Variants in SPHKAP observed in about 807,000 individuals in gnomAD.
SPHKAP encodes the protein SPHK1 interactor, AKAP domain containing.
A neutral mutation model predicts 137.5 loss-of-function variants in SPHKAP; 67 were observed. The ratio of observed to expected loss-of-function variants is 0.49; its 90% CI spans 0.40 to 0.60. The LOEUF is 0.60. Ranked by LOEUF, SPHKAP falls within the 20% of genes least tolerant of loss-of-function variation. The pLI is 0.00. For synonymous variants in SPHKAP, 813 were observed against 785.3 expected, an observed-to-expected ratio of 1.04 and a Z score of -0.59; for missense variants, 2,097 against 2,069.3, an observed-to-expected ratio of 1.01 and a Z score of -0.26.
chr2:228,128,207 T>G (rs570999769), intron 2 of SPHKAP, among the ~76,000 whole-genome samples: 20 of 152,312 alleles, frequency 1.3e-4, no homozygotes, highest in Middle Eastern at 3.4e-3. Flanking sequence ...AAATTGGAGT[T>G]AACCCTCTCA....
intron 3 of SPHKAP, among the ~76,000 whole-genome samples, chr2:228,038,264 C>T (rs920736658): frequency 6.6e-6 from 1 of 152,102 alleles, no homozygotes; most frequent in Non-Finnish European, 1.5e-5. Context: ...GAATGGTATC[C>T]AGGAGAAGGC....
intron 7 of SPHKAP, among the ~76,000 whole-genome samples, chr2:228,004,304 T>C (rs1694038318): frequency 6.6e-6 from 1 of 152,134 alleles, no homozygotes; most frequent in Non-Finnish European, 1.5e-5. Context: ...GTGTATGTGT[T>C]GAGGAATTTA....
chr2:228,179,697 A>G (rs141368855), intron 1 of SPHKAP, among the ~76,000 whole-genome samples: 1 of 152,226 alleles, frequency 6.6e-6, no homozygotes, highest in African/African-American at 2.4e-5. Context: ...TAACATTTTG[A>G]TAGGCCACTA....
chr2:228,010,548 A>G (rs913180898), intron 7 of SPHKAP, among the ~76,000 whole-genome samples: 1 of 152,080 alleles, frequency 6.6e-6, no homozygotes, highest in African/African-American at 2.4e-5. Context: ...AAAAGAAAAC[A>G]ATTGTTCACG....
chr2:228,139,806 C>T (rs980211972), intron 1 of SPHKAP, among the ~76,000 whole-genome samples: 7 of 151,994 alleles, frequency 4.6e-5, no homozygotes, highest in African/African-American at 1.7e-4. Flanking sequence ...CACATTCCTG[C>T]TGCTAAGTTA....
intron 1 of SPHKAP, among the ~76,000 whole-genome samples, chr2:228,132,948 G>C (rs532425442): frequency 1.4e-4 from 21 of 152,008 alleles, no homozygotes; most frequent in Non-Finnish European, 2.9e-4. Flanking sequence ...AGGTTGCAGT[G>C]AGCTGAGATC....
In SPHKAP at chr2:228,018,452, C is replaced by T. The variant is rs775656617; in HGVS notation, c.2402G>A (p.Arg801Lys). ...MYSKQDKGGVRPGLFKNPTLQ... is the reference protein window; with the variant it reads ...MYSKQDKGGVKPGLFKNPTLQ... ...CGTGGGGTTCTTGAAGAGGCCTGGC[C>T]TCACTCCACCCTTGTCTTGTTTTGA... Residue 801 changes from arginine to lysine, a missense_variant, in exon 7 of 12, where the codon AGG (arginine) becomes AAG (lysine). By Grantham distance (26) the Arg-to-Lys change is conservative. Transcript: ENST00000392056. The T allele has an allele frequency of 6.2e-7, 1 of 1,613,932 alleles. No homozygotes were observed. Among genetic ancestry groups the T allele is most frequent in the Non-Finnish European group, 8.5e-7 (1 of 1,179,958 alleles).
chr2:228,008,791 C>G (rs754603172), intron 7 of SPHKAP, among the ~76,000 whole-genome samples: 5 of 151,668 alleles, frequency 3.3e-5, no homozygotes, highest in Non-Finnish European at 7.4e-5. Flanking sequence ...GATCCATTGA[C>G]TCTATTTGTG....
intron 7 of SPHKAP, among the ~76,000 whole-genome samples, chr2:228,002,801 C>T (rs1319288439): frequency 6.6e-6 from 1 of 152,150 alleles, no homozygotes; most frequent in African/African-American, 2.4e-5. Context: ...GCCAGTTTTC[C>T]CAGCACCATT....
chr2:228,107,915 G>T (rs1298975016), intron 3 of SPHKAP, among the ~76,000 whole-genome samples: 1 of 152,138 alleles, frequency 6.6e-6, no homozygotes, highest in Non-Finnish European at 1.5e-5. Flanking sequence ...TAAATCTATT[G>T]AATGGACTGT....
chr2:228,017,165 G>A lies in SPHKAP; in HGVS notation c.3689C>T (p.Ser1230Phe). 1 of 1,613,976 alleles carries A rather than the reference G, an allele frequency of 6.2e-7. No homozygotes were observed. Among genetic ancestry groups the A allele is most frequent in the African/African-American group, 1.3e-5 (1 of 75,028 alleles). The change falls in exon 7 of 12, where the codon TCC (serine) becomes TTC (phenylalanine). Residue 1230 changes from serine to phenylalanine, a missense_variant. Physicochemically the swap from Ser to Phe is radical, Grantham distance 155. Transcript: ENST00000392056. Reference sequence around the variant, plus strand: ...GGACGACTGTCTGTGGCACACTGGGGATCGCAGAGAAGGAGACAGCAGGCC... The same window carrying A: ...GGACGACTGTCTGTGGCACACTGGGAATCGCAGAGAAGGAGACAGCAGGCC... ...TAGLLSPSLR[S>F]PVCHRQSSMP...
intron 3 of SPHKAP, among the ~76,000 whole-genome samples, chr2:228,070,434 C>A (rs1385024947): frequency 1.3e-5 from 2 of 151,794 alleles, no homozygotes; most frequent in African/African-American, 4.8e-5. Context: ...TCTGTCTGAC[C>A]TATTCACTTT....
At position 228,125,636 on chromosome 2, in the gene SPHKAP, T is replaced by A. The variant is rs142756712; in HGVS notation, c.138+6344A>T. On this transcript the variant is annotated intron_variant, in intron 2 of 11. Coordinates refer to ENST00000392056, the MANE Select transcript of SPHKAP (RefSeq NM_001142644.2). Reference sequence around the variant, plus strand: ...CCCACCGCAGCCCTGGAGATAACAGTTTTTTTATTTATTATAAAGAGACTA... The same window carrying A: ...CCCACCGCAGCCCTGGAGATAACAGATTTTTTATTTATTATAAAGAGACTA... Among the ~76,000 whole-genome samples the A allele has an allele frequency of 8.7e-3, 1,329 of 152,274 alleles. 9 individuals carry two copies. Among genetic ancestry groups the A allele is most frequent in the African/African-American group, 0.031 (1,268 of 41,546 alleles).
intron 1 of SPHKAP, among the ~76,000 whole-genome samples, chr2:228,147,113 T>C (rs990225458): frequency 6.6e-6 from 1 of 152,220 alleles, no homozygotes; most frequent in Admixed American, 6.5e-5. Flanking sequence ...GATTCACTAT[T>C]GAACTCCACA....
At chr2:228,150,376 G>A (rs1332455678) in intron 1 of SPHKAP, among the ~76,000 whole-genome samples, 1 of 152,022 alleles carries the variant, frequency 6.6e-6, no homozygotes, top group Non-Finnish European at 1.5e-5. Context: ...CAAATATTTG[G>A]CAGAATTCTC....
rs369891864 is a variant in SPHKAP, at chr2:228,031,573, A to G, written c.247-4030T>C. 1.5e-4 allele frequency among the ~76,000 whole-genome samples: 23 copies of G among 152,318 alleles called. 2 individuals are homozygous for G. Among genetic ancestry groups the G allele is most frequent in the East Asian group, 1.4e-3 (7 of 5,174 alleles). On this transcript the variant is annotated intron_variant, in intron 3 of 11. Transcript: ENST00000392056. The stretch of plus-strand genomic sequence containing the variant: ...TGAGAATGGGCAGACTGCCTCCTTA[A>G]GCGGGTCCTTGACCCCCGAGCAGCC...
chr2:228,105,950 T>C (rs1240310741), intron 3 of SPHKAP, among the ~76,000 whole-genome samples: 1 of 152,198 alleles, frequency 6.6e-6, no homozygotes, highest in East Asian at 1.9e-4. Context: ...CTACTGAAGA[T>C]GTCTTCAGGG....
At chr2:228,140,267 A>AAAG (rs1436245862) in intron 1 of SPHKAP, among the ~76,000 whole-genome samples, 2 of 151,804 alleles carry the variant, frequency 1.3e-5, no homozygotes, top group African/African-American at 4.8e-5. Flanking sequence ...TATTTCTAAA[A>AAAG]AAAAAAAAAA....
chr2:228,105,771 C>T (rs1698324559), intron 3 of SPHKAP, among the ~76,000 whole-genome samples: 1 of 152,068 alleles, frequency 6.6e-6, no homozygotes, highest in Admixed American at 6.5e-5. Flanking sequence ...TTTCTCTTGC[C>T]TGCCACCATA....
Sources: gnomAD v4.1 joint callset for allele counts (sites outside exome capture counted in the v4.1 genomes callset) on GRCh38, gnomAD v4.1.1 for gene constraint, MANE v1.5 for transcripts, NCBI Gene and HGNC (gene_info 2026-07-23, HGNC 2026-07-21) for gene names.